Variants in TTBK1 observed in about 807,000 individuals in gnomAD.
TTBK1 encodes the protein tau-tubulin kinase 1.
TTBK1 carries 34 observed loss-of-function variants against 108.5 expected under a neutral mutation model. The observed-to-expected ratio is 0.31, with a 90% confidence interval of 0.24 to 0.42. TTBK1 has a LOEUF of 0.42. TTBK1 is among the 10% of genes least tolerant of loss of function. The pLI, the probability that TTBK1 is intolerant of heterozygous loss-of-function variation, is 1.00. For synonymous variants in TTBK1, 809 were observed against 795.1 expected (o/e 1.02, Z -0.29); for missense variants, 1,539 against 1,826.0 (o/e 0.84, Z 2.86).
In TTBK1 at chr6:43,269,989, G is replaced by T. The variant is rs1302614687; in HGVS notation, c.1986+6639G>T. On this transcript the variant is annotated intron_variant, in intron 13 of 14. Coordinates refer to ENST00000259750, the MANE Select transcript of TTBK1 (RefSeq NM_032538.3). This position sits in a 1 kb window ranked among gnomAD's most constrained non-coding sequence, Gnocchi z 4.8. ...CCCTCCTGGAGGGGGCAGGTGGGGG[G>T]GGGTGGGGAGCAGGCAGAGGACCAT... 2 of 1,429,474 alleles carry T rather than the reference G, an allele frequency of 1.4e-6. No individual in the cohort carries two copies. The highest frequency in any genetic ancestry group is 1.5e-5 in the African/African-American group (1 of 68,936). The allele number at this position is 1,429,474 out of a possible 1,614,324, so 88.5% of individuals were successfully genotyped here.
Position 43,284,265 on chromosome 6 carries a change from C to A in TTBK1, c.3525C>A (p.Ser1175Arg). 1.3e-6 allele frequency: 2 copies of A among 1,591,904 alleles called. No homozygotes were observed. Among genetic ancestry groups the A allele is most frequent in the Non-Finnish European group, 1.7e-6 (2 of 1,175,148 alleles). Residue 1175 changes from serine to arginine, a missense_variant, in exon 14 of 15, where the codon AGC becomes AGA. Physicochemically the swap from Ser to Arg is moderately radical, Grantham distance 110 (BLOSUM62 -1). This residue lies in a region of TTBK1 where 1,055 missense variants were observed against 1,086.5 expected (regional missense o/e 0.97). Transcript: ENST00000259750. Reference protein sequence around the residue: ...PMPVAAQQPASRSHGAAPALD... With the variant: ...PMPVAAQQPARRSHGAAPALD... ...CTGTTGCAGCCCAGCAGCCCGCCAGCAGATCCCATGGCGCGGCCCCAGCAT... is the reference window on the plus strand; with the variant it reads ...CTGTTGCAGCCCAGCAGCCCGCCAGAAGATCCCATGGCGCGGCCCCAGCAT...
At chr6:43,261,777 T>C (rs1777545248) in intron 12 of TTBK1, among the ~76,000 whole-genome samples, 1 of 142,212 alleles carries the variant, frequency 7.0e-6, no homozygotes, top group Non-Finnish European at 1.5e-5. Context: ...ATCATGCTAC[T>C]GCATTCCAGT....
Position 43,285,209 on chromosome 6 carries a change from C to A in TTBK1, c.3799C>A (p.Arg1267=). ...GAGCCCCTCCCCCTCGCACCAGGCC[C>A]GGCCCGGGGTCCCCCCGCCCCGGGG... ...RESPSPSHQA[R]PGVPPPRGVP... Residue 1267 remains arginine (R), a synonymous_variant, in exon 15 of 15, where the codon CGG becomes AGG. Transcript: ENST00000259750. The surrounding 1 kb of genome is among the most constrained non-coding windows in gnomAD (Gnocchi z 4.7). 7.6e-7 allele frequency: 1 copy of A among 1,323,306 alleles called. No individual in the cohort carries two copies. Among genetic ancestry groups the A allele is most frequent in the Non-Finnish European group, 9.6e-7 (1 of 1,040,870 alleles). 82.0% of individuals were successfully genotyped at this position (1,323,306 alleles called of 1,614,324 possible).
intron 13 of TTBK1, among the ~76,000 whole-genome samples, chr6:43,279,254 C>T (rs1298383497): frequency 6.6e-6 from 1 of 152,142 alleles, no homozygotes; most frequent in East Asian, 1.9e-4. Flanking sequence ...TGCGGGGGAT[C>T]CCATCCTCTA....
intron 13 of TTBK1, chr6:43,272,607 C>T (rs1777863663): frequency 2.0e-6 from 2 of 985,374 alleles, no homozygotes; most frequent in Non-Finnish European, 2.4e-6. Context: ...TTTTGTAAGC[C>T]ATAAAGCTCT....
Position 43,257,472 on chromosome 6 carries a change from C to A in TTBK1, c.862-340C>A, listed in dbSNP as rs1777411869. Among the ~76,000 whole-genome samples, 1 of 152,040 alleles carries A rather than the reference C, an allele frequency of 6.6e-6. No homozygotes were observed. Among genetic ancestry groups the A allele is most frequent in the Non-Finnish European group, 1.5e-5 (1 of 68,002 alleles). ...AGAGGGGCAGTCTGTGCAGAGGCAG[C>A]ACCCCATGCATGGGTTTGGAAACTC... On this transcript the variant is annotated intron_variant, in intron 9 of 14. Coordinates refer to ENST00000259750, the MANE Select transcript of TTBK1 (RefSeq NM_032538.3). This position sits in a 1 kb window ranked among gnomAD's most constrained non-coding sequence, Gnocchi z 4.5.
Position 43,272,928 on chromosome 6 carries a change from T to C in TTBK1, c.1986+9578T>C, listed in dbSNP as rs555797885. ...AGCTTTGAAAAGAGACAGCTGTCTTTGTTGTATTTTGAAAGTGGTGTTTTC... is the reference window on the plus strand; with the variant it reads ...AGCTTTGAAAAGAGACAGCTGTCTTCGTTGTATTTTGAAAGTGGTGTTTTC... On this transcript the variant is annotated intron_variant, in intron 13 of 14. Transcript: ENST00000259750. Among the ~76,000 whole-genome samples, 4 of 152,374 alleles carry C rather than the reference T, an allele frequency of 2.6e-5. No individual in the cohort carries two copies. In the East Asian group the frequency reaches 7.7e-4, roughly 29 times the overall value.
At position 43,284,178 on chromosome 6, in the gene TTBK1, C is replaced by A. The variant is rs373579078; in HGVS notation, c.3438C>A (p.Ser1146Arg). ...CGGCAGCGGCCTTGCCCAGGAAGAG[C>A]GGGAGGGCAGCCGCCACCAGGAGCC... ...SEPAAALPRK[S>R]GRAAATRSRI... The change falls in exon 14 of 15, where the codon AGC (serine) becomes AGA (arginine). Residue 1146 changes from serine (S) to arginine (R), a missense_variant. This residue lies in a region of TTBK1 where 1,055 missense variants were observed against 1,086.5 expected (regional missense o/e 0.97). Transcript: ENST00000259750. 6.4e-7 allele frequency: 1 copy of A among 1,563,332 alleles called. No individual in the cohort carries two copies. Among genetic ancestry groups the A allele is most frequent in the Non-Finnish European group, 8.6e-7 (1 of 1,162,146 alleles).
Position 43,273,526 on chromosome 6 carries a change from C to A in TTBK1, c.1987-9201C>A, listed in dbSNP as rs1777887370. Among the ~76,000 whole-genome samples the A allele has an allele frequency of 6.6e-6, 1 of 152,110 alleles. No individual in the cohort carries two copies. Among genetic ancestry groups the A allele is most frequent in the Non-Finnish European group, 1.5e-5 (1 of 68,034 alleles). ...GCATGAGAAAGCAGGGGCTCCAAAG[C>A]CTGACCTCAGTGGGATTGGTGAGGT... On this transcript the variant is annotated intron_variant, in intron 13 of 14. Transcript: ENST00000259750. The surrounding 1 kb of genome is among the most constrained non-coding windows in gnomAD (Gnocchi z 4.2).
At chr6:43,255,239 A>T in intron 7 of TTBK1, 125 bp downstream of exon 7, 1 of 902,362 alleles carries the variant, frequency 1.1e-6, no homozygotes, top group Non-Finnish European at 1.8e-6. Context: ...CACCCCAGAG[A>T]CCCTGGGCTG....
rs569812539 is a variant in TTBK1 at position 43,277,228 on chromosome 6, G to A, written c.1987-5499G>A. On this transcript the variant is annotated intron_variant, in intron 13 of 14. Transcript: ENST00000259750. ...CCTGGCCTTGGGGGTGCCAGGGTGG[G>A]GGTGGCCCGCCAAGGAGGGACACTG... Among the ~76,000 whole-genome samples the A allele has an allele frequency of 2.9e-3, 434 of 152,170 alleles. 5 individuals are homozygous for A. Among genetic ancestry groups the A allele is most frequent in the African/African-American group, 9.8e-3 (405 of 41,520 alleles).
intron 6 of TTBK1, among the ~76,000 whole-genome samples, 191 bp from the exon 7 acceptor site, chr6:43,254,858 C>T (rs1199617167): frequency 6.6e-6 from 1 of 152,050 alleles, no homozygotes; most frequent in Non-Finnish European, 1.5e-5. Context: ...CCATACCTTG[C>T]GATTTTCCTC....
intron 1 of TTBK1, among the ~76,000 whole-genome samples, chr6:43,244,727 T>C (rs187136865): frequency 3.9e-3 from 591 of 152,252 alleles, no homozygotes; most frequent in Middle Eastern, 6.8e-3. Context: ...AAATTTTCCT[T>C]ATCAACCTAA....
rs1376243149 is a variant in TTBK1 at position 43,267,863 on chromosome 6, C to CACGTAA, written c.1986+4517_1986+4518insAAACGT. Among the ~76,000 whole-genome samples, 5 of 152,200 alleles carry CACGTAA rather than the reference C, an allele frequency of 3.3e-5. No individual in the cohort carries two copies. The East Asian group carries it at 7.7e-4, about 23-fold the overall frequency. On this transcript the variant is annotated intron_variant, in intron 13 of 14. Coordinates refer to ENST00000259750, the MANE Select transcript of TTBK1 (RefSeq NM_032538.3). Reference sequence around the variant, plus strand: ...GGCAGCCACCAAAGCATTTCCCTGCCACGTGCTGGACAGTGTGCTAGGGGC... The same window carrying CACGTAA: ...GGCAGCCACCAAAGCATTTCCCTGCCACGTAAACGTGCTGGACAGTGTGCTAGGGGC...
In TTBK1 at chr6:43,282,814, C is replaced by A. The variant is rs772632608; in HGVS notation, c.2074C>A (p.Leu692Ile). The change falls in exon 14 of 15, where the codon CTC becomes ATC. Residue 692 changes from leucine (L) to isoleucine (I), a missense_variant. Around this residue, in one of 5 missense-constraint regions of TTBK1, gnomAD observed 1,055 missense variants for 1,086.5 expected, o/e 0.97. Coordinates refer to ENST00000259750, the MANE Select transcript of TTBK1 (RefSeq NM_032538.3). The surrounding 1 kb of genome is among the most constrained non-coding windows in gnomAD (Gnocchi z 5.4). ...SLPYQDFKRD[L>I]SDYRERARLL... ...GCCCTACCAGGACTTCAAAAGAGAC[C>A]TCTCCGATTACCGAGAACGGGCGCG... 2.5e-6 allele frequency: 4 copies of A among 1,614,042 alleles called. No homozygotes were observed. The African/African-American group carries it at 4.0e-5, about 16-fold the overall frequency.
chr6:43,267,498 A>G (rs970149066), intron 13 of TTBK1, among the ~76,000 whole-genome samples: 11 of 152,186 alleles, frequency 7.2e-5, no homozygotes, highest in African/African-American at 2.4e-4. Flanking sequence ...GAACTTCCTC[A>G]TAACACCAAT....
intron 13 of TTBK1, among the ~76,000 whole-genome samples, chr6:43,280,776 G>A (rs1218016689): frequency 6.6e-6 from 1 of 152,184 alleles, no homozygotes; most frequent in African/African-American, 2.4e-5. Flanking sequence ...TGGGTGGACA[G>A]GAAAGTTGAC....
Position 43,283,690 on chromosome 6 carries a change from G to C in TTBK1, c.2950G>C (p.Ala984Pro), listed in dbSNP as rs201117893. 1.0e-4 allele frequency: 161 copies of C among 1,613,872 alleles called. No homozygotes were observed. Among genetic ancestry groups the C allele is most frequent in the Non-Finnish European group, 1.2e-4 (144 of 1,179,962 alleles). ...CCGAGCGCCCCTGGAGAACGGCCTCGCCCTGTCAGGGCTGAATGGGGCTGA... is the reference window on the plus strand; with the variant it reads ...CCGAGCGCCCCTGGAGAACGGCCTCCCCCTGTCAGGGCTGAATGGGGCTGA... ...GARAPLENGL[A>P]LSGLNGAEIE... is the part of the protein sequence containing the mutation. The change falls in exon 14 of 15, where the codon GCC becomes CCC. Residue 984 changes from alanine (A) to proline (P), a missense_variant. Coordinates refer to ENST00000259750, the MANE Select transcript of TTBK1 (RefSeq NM_032538.3). The surrounding 1 kb of genome is among the most constrained non-coding windows in gnomAD (Gnocchi z 8.1).
intron 2 of TTBK1, among the ~76,000 whole-genome samples, chr6:43,247,226 C>G (rs1283578200): frequency 6.6e-6 from 1 of 152,200 alleles, no homozygotes; most frequent in Non-Finnish European, 1.5e-5. Flanking sequence ...CACCCGCACT[C>G]CATCTTCTCC....
Sources: gnomAD v4.1 joint callset for allele counts (sites outside exome capture counted in the v4.1 genomes callset) on GRCh38, gnomAD v4.1.1 for gene constraint, gnomAD v4.1.1 regional missense constraint, Gnocchi (gnomAD v3.1) non-coding constraint, MANE v1.5 for transcripts, NCBI Gene and HGNC (gene_info 2026-07-23, HGNC 2026-07-21) for gene names.